The following ZNF426 variants were observed in gnomAD, a reference collection of about 807,000 sequenced individuals.
The protein encoded by ZNF426 is zinc finger protein 426.
In ZNF426, 23 loss-of-function variants were observed where a neutral mutation model predicts 24.0. The observed-to-expected ratio is 0.96, with a 90% CI of 0.69 to 1.36. The LOEUF (loss-of-function observed/expected upper bound fraction) is 1.36, where lower values mean the gene tolerates loss of function less well. Among genes scored for constraint, ZNF426 ranks in the 40% most tolerant of loss-of-function variants. ZNF426 has a pLI of 0.00. For synonymous variants in ZNF426, 272 were observed against 224.6 expected (o/e 1.21, Z -1.89); for missense variants, 646 against 658.4 (o/e 0.98, Z 0.21).
intron 4 of ZNF426, among the ~76,000 whole-genome samples, chr19:9,534,856 A>C (rs1445056984): frequency 6.6e-6 from 1 of 151,948 alleles, no homozygotes; most frequent in Non-Finnish European, 1.5e-5. Flanking sequence ...CAGCCTCCTA[A>C]AGTGCTGGGA....
rs2073835156 is a variant in ZNF426 at position 9,528,901 on chromosome 19, G to A, written c.1144C>T (p.His382Tyr). The change falls in exon 8 of 8, where the codon CAT becomes TAT. Residue 382 changes from histidine to tyrosine, a missense_variant. Coordinates refer to ENST00000253115, the MANE Select transcript of ZNF426 (RefSeq NM_024106.3). ...SFLTSSRLIQ[H>Y]IRTHTGEKPF... ...TTCTCTCCAGTGTGAGTTCTTATAT[G>A]TTGAATAAGGCGTGAGGATGTAAGG... 7 of 1,613,980 alleles carry A rather than the reference G, an allele frequency of 4.3e-6. No homozygotes were observed. The highest frequency in any genetic ancestry group is 5.9e-6 in the Non-Finnish European group (7 of 1,180,006).
At chr19:9,535,376 A>T in intron 3 of ZNF426, 97 bp from the exon 4 acceptor site, 2 of 826,392 alleles carry the variant, frequency 2.4e-6, no homozygotes, top group Non-Finnish European at 3.9e-6. Flanking sequence ...ATTCCCATAT[A>T]TTCCTGCAAA....
Position 9,528,351 on chromosome 19 carries a change from C to T in ZNF426, c.*29G>A, listed in dbSNP as rs1305242844. ...GTGAACTGGAACAAATGAGAGCTTT[C>T]CCACATTTATTACATGGACAGTTTC... On this transcript the variant is annotated 3_prime_UTR_variant, in exon 8 of 8. Coordinates refer to ENST00000253115, the MANE Select transcript of ZNF426 (RefSeq NM_024106.3). 3.9e-6 allele frequency: 6 copies of T among 1,541,322 alleles called. No homozygotes were observed. Among genetic ancestry groups the T allele is most frequent in the Non-Finnish European group, 5.2e-6 (6 of 1,146,328 alleles).
intron 6 of ZNF426, among the ~76,000 whole-genome samples, chr19:9,531,828 T>TA (rs1396696054): frequency 6.6e-6 from 1 of 151,860 alleles, no homozygotes; most frequent in African/African-American, 2.4e-5. Flanking sequence ...ACTAAAGATA[T>TA]AAAAAAATTA....
Position 9,528,143 on chromosome 19 carries a change from A to G in ZNF426, c.*237T>C, listed in dbSNP as rs2073818128. ...AGCTGGGATTACAGGTGCCCACCAC[A>G]CCTGGCTAAATTTTTTGTATTTTCA... On this transcript the variant is annotated 3_prime_UTR_variant, in exon 8 of 8. Coordinates refer to ENST00000253115, the MANE Select transcript of ZNF426 (RefSeq NM_024106.3). The G allele has an allele frequency of 2.5e-6, 1 of 403,690 alleles. No homozygotes were observed. The highest frequency in any genetic ancestry group is 4.4e-6 in the Non-Finnish European group (1 of 225,928). 25.0% of individuals were successfully genotyped at this position (403,690 alleles called of 1,614,324 possible). A position where few individuals can be genotyped will look rare whatever the true frequency, so the allele number is the denominator to read the frequency against.
Position 9,528,551 on chromosome 19 carries a change from G to A in ZNF426, c.1494C>T (p.His498=), listed in dbSNP as rs749347897. 6 of 1,614,054 alleles carry A rather than the reference G, an allele frequency of 3.7e-6. No homozygotes were observed. The highest frequency in any genetic ancestry group is 1.7e-5 in the Admixed American group (1 of 60,002). The change falls in exon 8 of 8, where the codon CAC becomes CAT. Residue 498 remains histidine, a synonymous_variant. Transcript: ENST00000253115. The stretch of plus-strand genomic sequence containing the variant: ...TGCATTCATAGGGTTTCTCTCCAGT[G>A]TGAGTCCTTTCATGTATTTGAAATG... ...SSSFQIHERT[H]TGEKPYECKE... is the part of the protein sequence containing the mutation.
rs1303006639 is a variant in ZNF426, at chr19:9,529,541, T to G, written c.504A>C (p.Gln168His). The G allele has an allele frequency of 6.2e-7, 1 of 1,611,932 alleles. No homozygotes were observed. The highest frequency in any genetic ancestry group is 8.5e-7 in the Non-Finnish European group (1 of 1,180,004). Residue 168 changes from glutamine to histidine, a missense_variant, in exon 8 of 8, where the codon CAA (glutamine) becomes CAC (histidine). Physicochemically the swap from Gln to His is conservative, Grantham distance 24. Coordinates refer to ENST00000253115, the MANE Select transcript of ZNF426 (RefSeq NM_024106.3). Reference protein sequence around the residue: ...HSCLKTHVRTQSTGNTHDCNQ... With the variant: ...HSCLKTHVRTHSTGNTHDCNQ... ...TACAGTCATGAGTGTTCCCTGTACT[T>G]TGAGTTCTCACGTGCGTCTTAAGGC...
chr19:9,532,818 C>T, intron 6 of ZNF426, 27 bp downstream of exon 6: 2 of 1,565,984 alleles, frequency 1.3e-6, no homozygotes, highest in South Asian at 2.3e-5. Flanking sequence ...TTCTCATCAA[C>T]CAGAGTTGTT....
chr19:9,530,629 G>A (rs1362622352), intron 7 of ZNF426, among the ~76,000 whole-genome samples: 1 of 151,870 alleles, frequency 6.6e-6, no homozygotes, highest in Non-Finnish European at 1.5e-5. Context: ...GGGTGTGGTG[G>A]TGCATGCCTG....
rs1356601690 is a variant in ZNF426 at position 9,535,344 on chromosome 19, G to A, written c.26-65C>T. 20 of 1,142,050 alleles carry A rather than the reference G, an allele frequency of 1.8e-5. No individual in the cohort carries two copies. In the Admixed American group the frequency reaches 3.5e-4, roughly 20 times the overall value. The allele number at this position is 1,142,050 out of a possible 1,614,324, so 70.7% of individuals were successfully genotyped here. On this transcript the variant is annotated intron_variant, in intron 3 of 7. Transcript: ENST00000253115. ...TAATCCCCACATCCACCTACCTAGA[G>A]GTCATTACCTCCTAGTATGAAATTC...
chr19:9,523,391 T>C lies in ZNF426; in HGVS notation c.*4989A>G, dbSNP rs1368957013. On this transcript the variant is annotated 3_prime_UTR_variant, in exon 8 of 8. Transcript: ENST00000253115. ...CATTTCCGGTCACTTCACATAAAAT[T>C]CTGTGCCTGCTACCCTGGTATCTCT... The C allele has an allele frequency of 6.6e-6, 1 of 152,136 alleles. No homozygotes were observed. Among genetic ancestry groups the C allele is most frequent in the Non-Finnish European group, 1.5e-5 (1 of 68,030 alleles). 9.4% of individuals were successfully genotyped at this position (152,136 alleles called of 1,614,324 possible). A position where few individuals can be genotyped will look rare whatever the true frequency, so the allele number is the denominator to read the frequency against.
In ZNF426 at chr19:9,528,920, T is replaced by C; in HGVS notation, c.1125A>G (p.Thr375=). The change falls in exon 8 of 8, where the codon ACA becomes ACG. Residue 375 remains threonine (T), a synonymous_variant. Transcript: ENST00000253115. ...ECKECGKSFL[T]SSRLIQHIRT... Reference sequence around the variant, plus strand: ...TTATATGTTGAATAAGGCGTGAGGATGTAAGGAAGGATTTCCCACATTCCT... The same window carrying C: ...TTATATGTTGAATAAGGCGTGAGGACGTAAGGAAGGATTTCCCACATTCCT... The C allele has an allele frequency of 1.2e-6, 2 of 1,613,860 alleles. No homozygotes were observed. The highest frequency in any genetic ancestry group is 1.7e-6 in the Non-Finnish European group (2 of 1,179,884).
chr19:9,529,387 G>C lies in ZNF426; in HGVS notation c.658C>G (p.Gln220Glu). ...PNIVYQRTST[Q>E]EKSFECSHCG... ...TGACTACATTCAAATGACTTTTCTT[G>C]TGTGCTAGTTCTCTGGTATACAATA... The change falls in exon 8 of 8, where the codon CAA (glutamine) becomes GAA (glutamate). Residue 220 changes from glutamine (Q) to glutamate (E), a missense_variant. Transcript: ENST00000253115. The C allele has an allele frequency of 1.2e-6, 2 of 1,614,106 alleles. No homozygotes were observed. The highest frequency in any genetic ancestry group is 1.7e-6 in the Non-Finnish European group (2 of 1,180,020).
At position 9,528,300 on chromosome 19, in the gene ZNF426, A is replaced by C; in HGVS notation, c.*80T>G. The C allele has an allele frequency of 3.6e-6, 5 of 1,379,100 alleles. No individual in the cohort carries two copies. The highest frequency in any genetic ancestry group is 4.9e-6 in the Non-Finnish European group (5 of 1,013,048). 85.4% of individuals were successfully genotyped at this position (1,379,100 alleles called of 1,614,324 possible). On this transcript the variant is annotated 3_prime_UTR_variant, in exon 8 of 8. Transcript: ENST00000253115. ...AATTTTCATGCAGCTTCTTCTCTCC[A>C]GAGTGAGTTCATTCATGTCTTTAAA...
In ZNF426 at chr19:9,525,221, C is replaced by A. The variant is rs1352844722; in HGVS notation, c.*3159G>T. On this transcript the variant is annotated 3_prime_UTR_variant, in exon 8 of 8. Transcript: ENST00000253115. ...CCGAGATCGCACCACTGCACTCCAG[C>A]CTGGGCGACAGAGCGAGACTCCGTC... 4.0e-5 allele frequency: 6 copies of A among 150,530 alleles called. No individual in the cohort carries two copies. Among genetic ancestry groups the A allele is most frequent in the Non-Finnish European group, 1.5e-5 (1 of 67,720 alleles). 9.3% of individuals were successfully genotyped at this position (150,530 alleles called of 1,614,324 possible). A position where few individuals can be genotyped will look rare whatever the true frequency, so the allele number is the denominator to read the frequency against.
intron 6 of ZNF426, among the ~76,000 whole-genome samples, chr19:9,531,766 C>T (rs1254869541): frequency 6.6e-6 from 1 of 152,076 alleles, no homozygotes; most frequent in Non-Finnish European, 1.5e-5. Context: ...AGGCAGATCA[C>T]GAGGTCAGGA....
chr19:9,534,885 A>G (rs757243374), intron 4 of ZNF426, among the ~76,000 whole-genome samples: 1 of 152,122 alleles, frequency 6.6e-6, no homozygotes, highest in Non-Finnish European at 1.5e-5. Context: ...GTAAGCCACC[A>G]TGCCCGGCCT....
rs2073790075 is a variant in ZNF426 at position 9,526,154 on chromosome 19, CCT to C, written c.*2224_*2225del. ...AATCCCTGGACAATAGAATGCTGCC[CCT>C]CTCCCCACAGCTTATCATGATTACT... On this transcript the variant is annotated 3_prime_UTR_variant, in exon 8 of 8. Transcript: ENST00000253115. 6.6e-6 allele frequency: 1 copy of C among 151,454 alleles called. No homozygotes were observed. The highest frequency in any genetic ancestry group is 2.4e-5 in the African/African-American group (1 of 41,172). 9.4% of individuals were successfully genotyped at this position (151,454 alleles called of 1,614,324 possible). A position where few individuals can be genotyped will look rare whatever the true frequency, so the allele number is the denominator to read the frequency against.
At chr19:9,533,805 C>T in intron 5 of ZNF426, 35 bp downstream of exon 5, 1 of 1,612,732 alleles carries the variant, frequency 6.2e-7, no homozygotes, top group Non-Finnish European at 8.5e-7. Flanking sequence ...CATATCAGTT[C>T]CATAGAAGGC....
Sources: allele counts gnomAD v4.1 joint callset (sites outside exome capture counted in the v4.1 genomes callset), GRCh38; gene constraint gnomAD v4.1.1; transcripts MANE v1.5; gene names NCBI Gene and HGNC (gene_info 2026-07-23, HGNC 2026-07-21).